Variants in JARID2 observed in about 807,000 individuals in gnomAD.
JARID2 encodes the protein jumonji and AT-rich interaction domain containing 2.
A neutral mutation model predicts 125.6 loss-of-function variants in JARID2; 21 were observed. That is an observed-to-expected ratio of 0.17 (90% CI 0.12 to 0.24). The LOEUF is 0.24. JARID2 is among the 10% of genes least tolerant of loss of function. The pLI is 1.00. For synonymous variants in JARID2, 736 were observed against 661.6 expected (o/e 1.11, Z -1.73); for missense variants, 1,303 against 1,639.6 (o/e 0.79, Z 3.55).
intron 1 of JARID2, among the ~76,000 whole-genome samples, chr6:15,337,775 CGAAG>C (rs1257354442): frequency 2.0e-5 from 3 of 150,992 alleles, no homozygotes; most frequent in Non-Finnish European, 4.4e-5. Context: ...GGGAAGTTAA[CGAAG>C]GAACGGCCCC....
intron 2 of JARID2, among the ~76,000 whole-genome samples, chr6:15,407,604 G>C (rs137861831): frequency 5.3e-5 from 8 of 152,212 alleles, no homozygotes; most frequent in African/African-American, 1.2e-4. Context: ...TATTTAGTTC[G>C]TTTTTTATAC....
intron 7 of JARID2, among the ~76,000 whole-genome samples, chr6:15,499,010 TTAGAG>T (rs1770599468): frequency 6.6e-6 from 1 of 152,096 alleles, no homozygotes; most frequent in Non-Finnish European, 1.5e-5. Flanking sequence ...CGCCTTTTGT[TTAGAG>T]TAGGTTTTTC....
intron 1 of JARID2, among the ~76,000 whole-genome samples, chr6:15,269,082 C>T (rs1338306576): frequency 6.6e-6 from 1 of 152,148 alleles, no homozygotes; most frequent in African/African-American, 2.4e-5. Flanking sequence ...TGTGCTGAAC[C>T]ATCATGTCTT....
At chr6:15,481,234 A>G (rs1020040986) in intron 5 of JARID2, among the ~76,000 whole-genome samples, 8 of 152,254 alleles carry the variant, frequency 5.3e-5, no homozygotes, top group Admixed American at 3.3e-4. Context: ...GTGTATACAA[A>G]TCAATATATT....
intron 1 of JARID2, among the ~76,000 whole-genome samples, chr6:15,351,503 G>T (rs1763427328): frequency 6.6e-6 from 1 of 152,178 alleles, no homozygotes; most frequent in Non-Finnish European, 1.5e-5. Flanking sequence ...CAAATGAGCA[G>T]ATCTTTCTGG....
intron 1 of JARID2, among the ~76,000 whole-genome samples, chr6:15,343,911 T>C (rs1238831365): frequency 1.1e-4 from 17 of 152,132 alleles, no homozygotes; most frequent in Non-Finnish European, 2.5e-4. Flanking sequence ...TACTTTTAGA[T>C]TTACCTGGGA....
At chr6:15,418,426 G>A (rs1462974032) in intron 3 of JARID2, among the ~76,000 whole-genome samples, 1 of 152,112 alleles carries the variant, frequency 6.6e-6, no homozygotes, top group Non-Finnish European at 1.5e-5. Context: ...ATGTTGGCCA[G>A]GATGGTCTCT....
chr6:15,496,940 T>C lies in JARID2; in HGVS notation c.1715T>C (p.Ile572Thr), dbSNP rs1770473582. The C allele has an allele frequency of 6.2e-7, 1 of 1,606,898 alleles. No individual in the cohort carries two copies. The highest frequency in any genetic ancestry group is 8.5e-7 in the Non-Finnish European group (1 of 1,174,778). Reference sequence around the variant, plus strand: ...GCCAAGGAGTTCCACGATCCGCTCATCTACATCGAGTCGGTCCGCGCTCAG... The same window carrying C: ...GCCAAGGAGTTCCACGATCCGCTCACCTACATCGAGTCGGTCCGCGCTCAG... ...PSAKEFHDPLIYIESVRAQVE... is the reference protein window; with the variant it reads ...PSAKEFHDPLTYIESVRAQVE... Residue 572 changes from isoleucine (I) to threonine (T), a missense_variant, in exon 7 of 18, where the codon ATC becomes ACC. By Grantham distance (89) the Ile-to-Thr change is moderately conservative. Transcript: ENST00000341776.
intron 1 of JARID2, among the ~76,000 whole-genome samples, chr6:15,332,711 C>A (rs1762747312): frequency 6.6e-6 from 1 of 152,078 alleles, no homozygotes. Context: ...CTGAACAGTT[C>A]ACTTGTCTAG....
At position 15,372,645 on chromosome 6, in the gene JARID2, C is replaced by A. The variant is rs116917790; in HGVS notation, c.46-1472C>A. On this transcript the variant is annotated intron_variant, in intron 1 of 17. Coordinates refer to ENST00000341776, the MANE Select transcript of JARID2 (RefSeq NM_004973.4). Reference sequence around the variant, plus strand: ...CTGGGATTACAGGCATGAGCCACTGCGCCAAGCCGTTCTTCTTATTCTTTT... The same window carrying A: ...CTGGGATTACAGGCATGAGCCACTGAGCCAAGCCGTTCTTCTTATTCTTTT... 6.6e-3 allele frequency among the ~76,000 whole-genome samples: 1,000 copies of A among 151,804 alleles called. 6 individuals carry two copies. Among genetic ancestry groups the A allele is most frequent in the East Asian group, 0.026 (134 of 5,116 alleles).
chr6:15,497,674 C>G (rs1382468148), intron 7 of JARID2, among the ~76,000 whole-genome samples: 1 of 143,170 alleles, frequency 7.0e-6, no homozygotes, highest in Non-Finnish European at 1.5e-5. Context: ...AAGTATTGAG[C>G]TTGGATCTGG....
chr6:15,306,947 A>G (rs1761849951), intron 1 of JARID2, among the ~76,000 whole-genome samples: 1 of 149,000 alleles, frequency 6.7e-6, no homozygotes, highest in African/African-American at 2.4e-5. Context: ...TATTTTTAAC[A>G]TTAAAAAATT....
intron 2 of JARID2, among the ~76,000 whole-genome samples, chr6:15,376,704 A>G (rs1764368175): frequency 6.6e-6 from 1 of 152,244 alleles, no homozygotes; most frequent in Non-Finnish European, 1.5e-5. Context: ...AGCTTGGGCA[A>G]CAGAGCGAGA....
intron 2 of JARID2, among the ~76,000 whole-genome samples, chr6:15,376,458 G>A (rs1764358110): frequency 1.3e-5 from 2 of 152,170 alleles, no homozygotes; most frequent in Non-Finnish European, 2.9e-5. Context: ...GTTCATGCCT[G>A]TAATCCCAGC....
chr6:15,458,201 T>A (rs1406622379), intron 4 of JARID2, among the ~76,000 whole-genome samples: 1 of 152,216 alleles, frequency 6.6e-6, no homozygotes, highest in Non-Finnish European at 1.5e-5. Flanking sequence ...GTTCTGACTA[T>A]GATTATTAAC....
chr6:15,487,651 C>A, intron 6 of JARID2, 109 bp downstream of exon 6: 1 of 987,514 alleles, frequency 1.0e-6, no homozygotes, highest in Non-Finnish European at 1.5e-6. Context: ...GAGGTGATGC[C>A]CAGAAGCAAG....
intron 1 of JARID2, among the ~76,000 whole-genome samples, chr6:15,346,739 ATT>A (rs11321575): frequency 1.0e-3 from 138 of 137,326 alleles, no homozygotes; most frequent in African/African-American, 3.1e-3. Context: ...AGTAATTGTA[ATT>A]TTTTTTTTTT....
chr6:15,457,601 C>CT (rs35659046), intron 4 of JARID2, among the ~76,000 whole-genome samples: 4,570 of 127,076 alleles, frequency 0.036, 163 homozygotes, highest in African/African-American at 0.093. Flanking sequence ...GGATCCAGGT[C>CT]TTTTTTTTTT....
At chr6:15,398,589 C>T (rs1257562894) in intron 2 of JARID2, among the ~76,000 whole-genome samples, 9 of 152,154 alleles carry the variant, frequency 5.9e-5, no homozygotes, top group Admixed American at 5.9e-4. Flanking sequence ...AAGTCTCCTT[C>T]CTGGCCTGAC....
Sources: allele counts gnomAD v4.1 joint callset (sites outside exome capture counted in the v4.1 genomes callset), GRCh38; gene constraint gnomAD v4.1.1; transcripts MANE v1.5; gene names NCBI Gene and HGNC (gene_info 2026-07-23, HGNC 2026-07-21).